Variants in C5 observed in about 807,000 individuals in gnomAD.
C5 encodes the protein C3 and PZP-like alpha-2-macroglobulin domain-containing protein 4.
In C5, 140 loss-of-function variants were observed where a neutral mutation model predicts 218.8. The ratio of observed to expected loss-of-function variants is 0.64; its 90% CI spans 0.56 to 0.74. C5 has a LOEUF of 0.74. C5 is among the 30% of genes least tolerant of loss of function. The pLI is 0.00. For missense variants in C5, 1,700 were observed against 1,969.6 expected (o/e 0.86, Z 2.59); for synonymous variants, 614 against 682.3 (o/e 0.90, Z 1.56).
intron 20 of C5, among the ~76,000 whole-genome samples, chr9:121,004,594 C>T (rs937034085): frequency 2.6e-5 from 4 of 151,894 alleles, no homozygotes; most frequent in Non-Finnish European, 5.9e-5. Flanking sequence ...GCCAACATGG[C>T]GAAACCTGTC....
chr9:121,022,922 G>C (rs2416810), intron 10 of C5, among the ~76,000 whole-genome samples: 1 of 151,770 alleles, frequency 6.6e-6, no homozygotes, highest in Admixed American at 6.6e-5. Context: ...ATACAGAGAC[G>C]AGAGATTGAA....
intron 28 of C5, among the ~76,000 whole-genome samples, chr9:120,978,887 C>T (rs1404770884): frequency 6.6e-6 from 1 of 152,106 alleles, no homozygotes; most frequent in Non-Finnish European, 1.5e-5. Flanking sequence ...TCCTTCTGGT[C>T]CCCACAGCAC....
intron 33 of C5, among the ~76,000 whole-genome samples, chr9:120,964,314 C>A (rs941139348): frequency 6.6e-6 from 1 of 152,136 alleles, no homozygotes; most frequent in Non-Finnish European, 1.5e-5. Context: ...TCCGTCTTTA[C>A]TAAAAATACA....
intron 34 of C5, 50 bp downstream of exon 34, chr9:120,963,586 C>A: frequency 1.6e-6 from 2 of 1,241,538 alleles, no homozygotes; most frequent in South Asian, 1.2e-5. Flanking sequence ...TAAAATAATT[C>A]AGAAAAGAAA....
chr9:121,013,403 G>A (rs942724265), intron 17 of C5, among the ~76,000 whole-genome samples: 1 of 151,748 alleles, frequency 6.6e-6, no homozygotes, highest in Non-Finnish European at 1.5e-5. Context: ...CTGGAAACAT[G>A]TATTGTGGTT....
chr9:120,980,343 GC>G, intron 27 of C5, 89 bp from the exon 28 acceptor site: 1 of 1,133,130 alleles, frequency 8.8e-7, no homozygotes, highest in Non-Finnish European at 1.3e-6. Flanking sequence ...CTATCCTGGA[GC>G]AAGCAATATG....
intron 9 of C5, among the ~76,000 whole-genome samples, chr9:121,024,540 A>G (rs1486725508): frequency 6.6e-6 from 1 of 152,040 alleles, no homozygotes; most frequent in Non-Finnish European, 1.5e-5. Flanking sequence ...ATTTTAGCCA[A>G]ACTGGATGAT....
At chr9:121,026,311 G>A (rs762419117) in intron 8 of C5, among the ~76,000 whole-genome samples, 4 of 152,132 alleles carry the variant, frequency 2.6e-5, no homozygotes, top group African/African-American at 4.8e-5. Flanking sequence ...GGGAACCAGC[G>A]CCCTAATCTC....
At chr9:121,039,505 G>A (rs530058386) in intron 3 of C5, among the ~76,000 whole-genome samples, 71 of 152,148 alleles carry the variant, frequency 4.7e-4, no homozygotes, top group Admixed American at 1.6e-3. Context: ...AGGCATGGTG[G>A]CACGCGCCTG....
intron 7 of C5, among the ~76,000 whole-genome samples, chr9:121,027,892 T>A (rs1262226126): frequency 1.3e-5 from 2 of 151,566 alleles, no homozygotes; most frequent in Non-Finnish European, 2.9e-5. Flanking sequence ...GAAACTACCA[T>A]CAGAGTGAAC....
chr9:120,964,306 C>T lies in C5; in HGVS notation c.4221-568G>A, dbSNP rs41312899. 3.6e-3 allele frequency among the ~76,000 whole-genome samples: 541 copies of T among 152,238 alleles called. 4 individuals carry two copies. The highest frequency in any genetic ancestry group is 0.012 in the African/African-American group (510 of 41,552). ...CAGCCTGGCTAACACGGTGAAACTC[C>T]GTCTTTACTAAAAATACAAAAAAAA... On this transcript the variant is annotated intron_variant, in intron 33 of 40. Transcript: ENST00000223642.
intron 12 of C5, among the ~76,000 whole-genome samples, chr9:121,018,282 T>C (rs1225644100): frequency 7.3e-5 from 7 of 95,530 alleles, no homozygotes; most frequent in African/African-American, 3.0e-4. Context: ...AAAAAAGACA[T>C]ACCAATTTTG....
intron 8 of C5, among the ~76,000 whole-genome samples, chr9:121,026,319 C>T (rs1323758938): frequency 6.6e-6 from 1 of 152,178 alleles, no homozygotes; most frequent in Non-Finnish European, 1.5e-5. Context: ...GCGCCCTAAT[C>T]TCAGTTCCAG....
At chr9:120,978,967 G>A (rs781079890) in intron 28 of C5, among the ~76,000 whole-genome samples, 8 of 152,254 alleles carry the variant, frequency 5.3e-5, no homozygotes, top group South Asian at 4.2e-4. Context: ...GTATGTGGCC[G>A]GGGGAGTGGA....
chr9:121,013,806 T>TA, intron 17 of C5, 67 bp downstream of exon 17: 2 of 1,352,560 alleles, frequency 1.5e-6, no homozygotes, highest in Non-Finnish European at 2.1e-6. Flanking sequence ...CTGCCTTTCT[T>TA]AGCAGCATAA....
In C5 at chr9:120,971,941, C is replaced by T. The variant is rs1302428472; in HGVS notation, c.4069G>A (p.Ala1357Thr). 1.2e-6 allele frequency: 2 copies of T among 1,612,080 alleles called. No homozygotes were observed. The highest frequency in any genetic ancestry group is 2.2e-5 in the South Asian group (2 of 91,046). Residue 1357 changes from alanine (A) to threonine (T), a missense_variant, in exon 31 of 41, where the codon GCT becomes ACT. Transcript: ENST00000223642. The part of the protein sequence containing the change: ...IVSTGFGSGL[A>T]TVHVTTVVHK... ...AATTAAATACTTACATGTACTGTAGCCAAGCCACTGCCAAATCCTGTACTG... is the reference window on the plus strand; with the variant it reads ...AATTAAATACTTACATGTACTGTAGTCAAGCCACTGCCAAATCCTGTACTG...
chr9:120,955,359 C>T (rs1444047036), intron 39 of C5, among the ~76,000 whole-genome samples: 3 of 152,126 alleles, frequency 2.0e-5, no homozygotes, highest in Admixed American at 2.0e-4. Context: ...AAAATTGTAG[C>T]TTGGGAACCA....
chr9:120,980,420 G>A (rs1378153128), intron 27 of C5, among the ~76,000 whole-genome samples, 166 bp from the exon 28 acceptor site: 2 of 152,110 alleles, frequency 1.3e-5, no homozygotes, highest in Non-Finnish European at 2.9e-5. Context: ...CCCTCCGAGA[G>A]AAGGAGCAGA....
At chr9:120,997,064 G>A (rs2047122967) in intron 21 of C5, among the ~76,000 whole-genome samples, 1 of 151,894 alleles carries the variant, frequency 6.6e-6, no homozygotes, top group African/African-American at 2.4e-5. Flanking sequence ...TTTATACAAT[G>A]GAAAGTTTTC....
Sources: allele counts gnomAD v4.1 joint callset (sites outside exome capture counted in the v4.1 genomes callset), GRCh38; gene constraint gnomAD v4.1.1; transcripts MANE v1.5; gene names NCBI Gene and HGNC (gene_info 2026-07-23, HGNC 2026-07-21).